Variants in KLRG1 observed in about 807,000 individuals in gnomAD.
KLRG1 encodes the protein killer cell lectin like receptor G1, also known as killer cell lectin-like receptor subfamily G member 1.
A neutral mutation model predicts 21.8 loss-of-function variants in KLRG1; 16 were observed. That is an observed-to-expected ratio of 0.73 (90% confidence interval 0.50 to 1.11). The LOEUF (loss-of-function observed/expected upper bound fraction) is 1.11. KLRG1 is among the 50% of genes most tolerant of loss of function. The probability of loss-of-function intolerance (pLI) is 0.00; values close to 1 mark genes in which losing one functional copy is unlikely to be tolerated. For missense variants in KLRG1, 173 were observed against 218.3 expected (o/e 0.79, Z 1.31); for synonymous variants, 69 against 75.9 (o/e 0.91, Z 0.47).
rs377486578 is a variant in KLRG1, at chr12:8,972,024, T to C, written c.-155-20182T>C. 1.0e-3 allele frequency among the ~76,000 whole-genome samples: 155 copies of C among 152,368 alleles called. 4 individuals are homozygous for C. The South Asian group carries it at 0.032, about 31-fold the overall frequency. On this transcript the variant is annotated intron_variant, in intron 1 of 4. Transcript: ENST00000539240. ...TTTTAGTTTAATGAAATACCATTTGTCTATTTTTACTTTTGTTGTCTGTGC... is the reference window on the plus strand; with the variant it reads ...TTTTAGTTTAATGAAATACCATTTGCCTATTTTTACTTTTGTTGTCTGTGC...
At chr12:9,186,665 G>A in the KLRG1 span, among the ~76,000 whole-genome samples, 8 of 152,056 alleles carry the variant, frequency 5.3e-5, no homozygotes, top group African/African-American at 1.9e-4. Flanking sequence ...GGAATACTAT[G>A]CAGCCATAAA....
At chr12:9,101,429 A>C in the KLRG1 span, 3 of 1,601,074 alleles carry the variant, frequency 1.9e-6, no homozygotes, top group Non-Finnish European at 2.6e-6. Flanking sequence ...AAGTCAACGC[A>C]GTAACCTCCC....
At chr12:8,994,747 T>G (rs1307442728) in intron 2 of KLRG1, among the ~76,000 whole-genome samples, 1 of 152,254 alleles carries the variant, frequency 6.6e-6, no homozygotes, top group African/African-American at 2.4e-5. Flanking sequence ...AGTACACAGA[T>G]GCATATCATA....
At chr12:9,002,600 A>G (rs1947337584) in intron 3 of KLRG1, among the ~76,000 whole-genome samples, 1 of 151,114 alleles carries the variant, frequency 6.6e-6, no homozygotes, top group Non-Finnish European at 1.5e-5. Context: ...GTTGTTTGAG[A>G]CTCTCACCCA....
At chr12:9,205,498 A>G in the KLRG1 span, among the ~76,000 whole-genome samples, 1 of 152,234 alleles carries the variant, frequency 6.6e-6, no homozygotes, top group African/African-American at 2.4e-5. Context: ...GGAAGCTAAA[A>G]CATGAGATCC....
the KLRG1 span, among the ~76,000 whole-genome samples, chr12:9,200,162 G>T: frequency 6.6e-6 from 1 of 152,196 alleles, no homozygotes; most frequent in African/African-American, 2.4e-5. Flanking sequence ...ACGGAAAGAT[G>T]TTTATTGTTA....
chr12:9,124,918 T>TATGGCTGCCC, the KLRG1 span, among the ~76,000 whole-genome samples: 1 of 152,242 alleles, frequency 6.6e-6, no homozygotes, highest in African/African-American at 2.4e-5. Context: ...TTGGCCTGCC[T>TATGGCTGCCC]ATGGCTGCCC....
At chr12:9,028,229 G>C in the KLRG1 span, 2 of 523,146 alleles carry the variant, frequency 3.8e-6, no homozygotes, top group Non-Finnish European at 6.7e-6. Context: ...TCGGCTCACT[G>C]CAACCTCTGC....
chr12:9,177,145 A>AG, the KLRG1 span, among the ~76,000 whole-genome samples: 25 of 152,346 alleles, frequency 1.6e-4, no homozygotes, highest in African/African-American at 6.0e-4. Context: ...TGACCTCTGT[A>AG]GCCAATGGGA....
chr12:9,207,968 G>A, the KLRG1 span, among the ~76,000 whole-genome samples: 1 of 152,128 alleles, frequency 6.6e-6, no homozygotes, highest in Admixed American at 6.5e-5. Flanking sequence ...TCTATATTCA[G>A]TGCCTTCCAT....
In KLRG1 at chr12:9,008,968, C is replaced by T. The variant is rs746804902; in HGVS notation, c.358-7C>T. On this transcript the variant is annotated splice_region_variant and splice_polypyrimidine_tract_variant and intron_variant, in intron 3 of 4. Transcript: ENST00000356986. ...GTCCCTTTTTTGGTTTTCAACCTCT[C>T]CCTTAGAGCCTGCTCCAAGTTTTCC... 8.1e-6 allele frequency: 13 copies of T among 1,609,198 alleles called. No homozygotes were observed. The East Asian group carries it at 2.5e-4, about 30-fold the overall frequency.
At chr12:8,962,763 C>G (rs1390623075) in intron 1 of KLRG1, among the ~76,000 whole-genome samples, 1 of 148,114 alleles carries the variant, frequency 6.8e-6, no homozygotes, top group African/African-American at 2.5e-5. Flanking sequence ...AGGAAACAAA[C>G]AAAATAAACA....
the KLRG1 span, chr12:9,152,971 C>T: frequency 1.2e-6 from 2 of 1,613,950 alleles, no homozygotes; most frequent in Non-Finnish European, 1.7e-6. Context: ...AGCAAAGACA[C>T]TATCAGTTTC....
chr12:9,063,693 C>T, the KLRG1 span, among the ~76,000 whole-genome samples: 1 of 152,152 alleles, frequency 6.6e-6, no homozygotes, highest in Non-Finnish European at 1.5e-5. Context: ...ATCTCCAGTC[C>T]ACTGGGGCAA....
chr12:9,001,441 T>C (rs887866503), intron 3 of KLRG1, among the ~76,000 whole-genome samples: 4 of 152,144 alleles, frequency 2.6e-5, no homozygotes, highest in African/African-American at 9.7e-5. Context: ...GTTTTTCCCC[T>C]GCAGGCTCTA....
the KLRG1 span, among the ~76,000 whole-genome samples, chr12:9,209,143 T>C: frequency 6.6e-6 from 1 of 152,154 alleles, no homozygotes; most frequent in African/African-American, 2.4e-5. Flanking sequence ...CATGCTCTCA[T>C]AGAACTTGTA....
chr12:8,989,757 A>G lies in KLRG1; in HGVS notation c.82+40A>G, dbSNP rs80132234. On this transcript the variant is annotated intron_variant, in intron 1 of 4. Coordinates refer to ENST00000356986, the MANE Select transcript of KLRG1 (RefSeq NM_005810.4). ...GTAGCATGGAAGACGATGCATAGCA[A>G]CAGTAGGCTATGGATGAATGGGGAG... 4.2e-3 allele frequency: 4,746 copies of G among 1,128,156 alleles called. 140 individuals are homozygous for G. In the African/African-American group the frequency reaches 0.063, roughly 15 times the overall value. 69.9% of individuals were successfully genotyped at this position (1,128,156 alleles called of 1,614,324 possible).
At chr12:9,150,223 T>C in the KLRG1 span, among the ~76,000 whole-genome samples, 66 of 152,362 alleles carry the variant, frequency 4.3e-4, no homozygotes, top group African/African-American at 1.5e-3. Flanking sequence ...ATTCTTAAGT[T>C]TCTGACTCAA....
chr12:9,156,935 G>T, the KLRG1 span, among the ~76,000 whole-genome samples: 149,178 of 152,144 alleles, frequency 0.98, 73,217 homozygotes, highest in Middle Eastern at 1. Context: ...TTTTTTAAAT[G>T]TTATTTTATT....
Sources: gnomAD v4.1 joint callset for allele counts (sites outside exome capture counted in the v4.1 genomes callset) on GRCh38, gnomAD v4.1.1 for gene constraint, MANE v1.5 for transcripts, NCBI Gene and HGNC (gene_info 2026-07-23, HGNC 2026-07-21) for gene names.